The following TTL variants were observed in gnomAD, a reference collection of about 807,000 sequenced individuals.
TTL encodes tubulin--tyrosine ligase.
In TTL, 10 loss-of-function variants were observed where a neutral mutation model predicts 41.1. The observed-to-expected ratio is 0.24, with a 90% CI of 0.15 to 0.41. TTL has a LOEUF of 0.41. Among genes scored for constraint, TTL ranks in the 10% least tolerant of loss-of-function variants. The pLI is 1.00. For missense variants in TTL, 367 were observed against 460.4 expected, an observed-to-expected ratio of 0.80 and a Z score of 1.86; for synonymous variants, 175 against 175.5, an observed-to-expected ratio of 1.00 and a Z score of 0.02.
chr2:112,516,107 C>A (rs944989025), intron 5 of TTL, among the ~76,000 whole-genome samples: 1 of 152,122 alleles, frequency 6.6e-6, no homozygotes, highest in East Asian at 1.9e-4. Context: ...GTTTTATGTT[C>A]AGCTTTTCCC....
In TTL at chr2:112,482,560, G is replaced by T; in HGVS notation, c.157+59G>T. ...CGGAGCGGCCCTGCGCGCCTCCCGC[G>T]GCCCGTTAGAACCGGCGCTTTTGTT... On this transcript the variant is annotated intron_variant, in intron 1 of 6. Transcript: ENST00000233336. This position sits in a 1 kb window ranked among gnomAD's most constrained non-coding sequence, Gnocchi z 5.3. The T allele has an allele frequency of 6.6e-7, 1 of 1,510,748 alleles. No homozygotes were observed. Among genetic ancestry groups the T allele is most frequent in the Non-Finnish European group, 8.9e-7 (1 of 1,125,664 alleles). The allele number at this position is 1,510,748 out of a possible 1,614,324, so 93.6% of individuals were successfully genotyped here. A position where few individuals can be genotyped will look rare whatever the true frequency, so the allele number is the denominator to read the frequency against.
intron 3 of TTL, among the ~76,000 whole-genome samples, chr2:112,498,418 G>A (rs910608712): frequency 3.9e-5 from 6 of 152,140 alleles, no homozygotes; most frequent in South Asian, 2.1e-4. Flanking sequence ...TAGGCTCTGT[G>A]TGCTAAAAAT....
chr2:112,490,517 A>G (rs1458020241), intron 2 of TTL, among the ~76,000 whole-genome samples: 1 of 152,158 alleles, frequency 6.6e-6, no homozygotes, highest in Admixed American at 6.5e-5. Context: ...TGTATCATAC[A>G]ATAAAATGAA....
In TTL at chr2:112,529,528, G is replaced by A. The variant is rs1682454584; in HGVS notation, c.*733G>A. 4.4e-6 allele frequency: 1 copy of A among 229,202 alleles called. No homozygotes were observed. The highest frequency in any genetic ancestry group is 2.2e-5 in the African/African-American group (1 of 45,098). The allele number at this position is 229,202 out of a possible 1,614,324, so 14.2% of individuals were successfully genotyped here. Reference sequence around the variant, plus strand: ...TTGCTTTACTTAATAGGTTGAATATGGTAGGTCTTTGAAAATATGATGATT... The same window carrying A: ...TTGCTTTACTTAATAGGTTGAATATAGTAGGTCTTTGAAAATATGATGATT... On this transcript the variant is annotated 3_prime_UTR_variant, in exon 7 of 7. Transcript: ENST00000233336.
Position 112,536,721 on chromosome 2 carries a change from C to T in TTL, c.*7926C>T, listed in dbSNP as rs10153801. 0.4 allele frequency: 60,833 copies of T among 151,922 alleles called. 12,438 individuals carry two copies. Among genetic ancestry groups the T allele is most frequent in the East Asian group, 0.61 (3,153 of 5,158 alleles). 9.4% of individuals were successfully genotyped at this position (151,922 alleles called of 1,614,324 possible). On this transcript the variant is annotated 3_prime_UTR_variant, in exon 7 of 7. Coordinates refer to ENST00000233336, the MANE Select transcript of TTL (RefSeq NM_153712.5). The stretch of plus-strand genomic sequence containing the variant: ...TGTCATCTTTAGTGTCTCTTGTTGC[C>T]ATTTTTGTGTCCATGTGTATCTAAT...
chr2:112,487,755 T>C (rs1047258193), intron 2 of TTL, among the ~76,000 whole-genome samples: 2 of 152,222 alleles, frequency 1.3e-5, no homozygotes, highest in African/African-American at 4.8e-5. Context: ...CTATGCAGGC[T>C]GGAGGTTGCA....
At chr2:112,513,452 A>G (rs549942852) in intron 5 of TTL, among the ~76,000 whole-genome samples, 2 of 151,970 alleles carry the variant, frequency 1.3e-5, no homozygotes, top group South Asian at 4.2e-4. Flanking sequence ...TCTCTCTCTT[A>G]TGCATTTTTT....
chr2:112,524,764 T>A (rs1481216887), intron 6 of TTL, among the ~76,000 whole-genome samples: 1 of 152,252 alleles, frequency 6.6e-6, no homozygotes, highest in East Asian at 1.9e-4. Context: ...GATGGTAGTT[T>A]CTTTTGCTGT....
chr2:112,514,348 C>T (rs1682010711), intron 5 of TTL, among the ~76,000 whole-genome samples: 1 of 151,192 alleles, frequency 6.6e-6, no homozygotes, highest in Non-Finnish European at 1.5e-5. Context: ...TGCTGCTGCA[C>T]TCCAGCCTGG....
chr2:112,532,669 G>A lies in TTL; in HGVS notation c.*3874G>A, dbSNP rs1682534566. ...AAATCCATGATGCCGTTACTCAGGGGTAGACAGACTTTCTGTAAAAGGCCA... is the reference window on the plus strand; with the variant it reads ...AAATCCATGATGCCGTTACTCAGGGATAGACAGACTTTCTGTAAAAGGCCA... On this transcript the variant is annotated 3_prime_UTR_variant, in exon 7 of 7. Transcript: ENST00000233336. 5.6e-6 allele frequency: 1 copy of A among 179,600 alleles called. No individual in the cohort carries two copies. The highest frequency in any genetic ancestry group is 2.4e-5 in the African/African-American group (1 of 42,346). 11.1% of individuals were successfully genotyped at this position (179,600 alleles called of 1,614,324 possible). A position where few individuals can be genotyped will look rare whatever the true frequency, so the allele number is the denominator to read the frequency against.
rs4849070 is a variant in TTL at position 112,529,752 on chromosome 2, C to G, written c.*957C>G. On this transcript the variant is annotated 3_prime_UTR_variant, in exon 7 of 7. Transcript: ENST00000233336. ...CCCCTTTTTGTTCTTTTTATGCCCCCAAGCACTTTCTGCAGTAGCTAGAGG... is the reference window on the plus strand; with the variant it reads ...CCCCTTTTTGTTCTTTTTATGCCCCGAAGCACTTTCTGCAGTAGCTAGAGG... 0.92 allele frequency: 203,840 copies of G among 221,044 alleles called. 95,768 individuals carry two copies. Among genetic ancestry groups the G allele is most frequent in the East Asian group, 1 (15,104 of 15,106 alleles). 13.7% of individuals were successfully genotyped at this position (221,044 alleles called of 1,614,324 possible). A position where few individuals can be genotyped will look rare whatever the true frequency, so the allele number is the denominator to read the frequency against.
chr2:112,482,350 C>G lies in TTL; in HGVS notation c.6C>G (p.Tyr2Ter). The G allele has an allele frequency of 6.4e-7, 1 of 1,550,728 alleles. No homozygotes were observed. The highest frequency in any genetic ancestry group is 8.7e-7 in the Non-Finnish European group (1 of 1,148,210). Residue 2 changes from tyrosine (Y) to a stop codon, truncating the protein, a stop_gained, in exon 1 of 7, where the codon TAC (tyrosine) becomes TAG (stop). Coordinates refer to ENST00000233336, the MANE Select transcript of TTL (RefSeq NM_153712.5). LOFTEE classifies it high-confidence loss of function. The surrounding 1 kb of genome is among the most constrained non-coding windows in gnomAD (Gnocchi z 5.3). M[Y>*]TFVVRDENSS... Reference sequence around the variant, plus strand: ...CGGGCGCGCGGCGCTTCGCCATGTACACCTTCGTGGTACGCGATGAGAACA... The same window carrying G: ...CGGGCGCGCGGCGCTTCGCCATGTAGACCTTCGTGGTACGCGATGAGAACA...
At position 112,533,826 on chromosome 2, in the gene TTL, A is replaced by T. The variant is rs995036170; in HGVS notation, c.*5031A>T. 3 of 152,220 alleles carry T rather than the reference A, an allele frequency of 2.0e-5. No homozygotes were observed. Among genetic ancestry groups the T allele is most frequent in the Non-Finnish European group, 4.4e-5 (3 of 68,038 alleles). 9.4% of individuals were successfully genotyped at this position (152,220 alleles called of 1,614,324 possible). On this transcript the variant is annotated 3_prime_UTR_variant, in exon 7 of 7. Transcript: ENST00000233336. ...TTACTTTGGGGAACACATTCAAACC[A>T]TAGCAGTCCCTGAAGGCAAAGGAAA... is the stretch of plus-strand genomic sequence containing the variant.
chr2:112,492,819 A>G (rs571305455), intron 2 of TTL, among the ~76,000 whole-genome samples: 15 of 152,232 alleles, frequency 9.9e-5, no homozygotes, highest in Non-Finnish European at 1.8e-4. Flanking sequence ...TCAACCCGGG[A>G]GGTAGAGGTT....
rs1213782588 is a variant in TTL, at chr2:112,482,784, G to A, written c.157+283G>A. Among the ~76,000 whole-genome samples the A allele has an allele frequency of 1.3e-5, 2 of 151,714 alleles. No individual in the cohort carries two copies. Among genetic ancestry groups the A allele is most frequent in the South Asian group, 2.1e-4 (1 of 4,702 alleles). On this transcript the variant is annotated intron_variant, in intron 1 of 6. Coordinates refer to ENST00000233336, the MANE Select transcript of TTL (RefSeq NM_153712.5). This position sits in a 1 kb window ranked among gnomAD's most constrained non-coding sequence, Gnocchi z 5.3. ...TGCAGCCCGGGAGACGCTGGCCGCCGGGGCTGGGACCTGAGGCGCGAGTCT... is the reference window on the plus strand; with the variant it reads ...TGCAGCCCGGGAGACGCTGGCCGCCAGGGCTGGGACCTGAGGCGCGAGTCT...
At chr2:112,488,482 G>T (rs998867404) in intron 2 of TTL, among the ~76,000 whole-genome samples, 1 of 152,198 alleles carries the variant, frequency 6.6e-6, no homozygotes, top group Non-Finnish European at 1.5e-5. Context: ...TGCAAGCCGG[G>T]CGTGGTGGCT....
rs1407861993 is a variant in TTL, at chr2:112,537,368, A to AC, written c.*8575dup. 6 of 152,456 alleles carry AC rather than the reference A, an allele frequency of 3.9e-5. No homozygotes were observed. Among genetic ancestry groups the AC allele is most frequent in the Non-Finnish European group, 8.8e-5 (6 of 68,216 alleles). The allele number at this position is 152,456 out of a possible 1,614,324, so 9.4% of individuals were successfully genotyped here. On this transcript the variant is annotated 3_prime_UTR_variant, in exon 7 of 7. Coordinates refer to ENST00000233336, the MANE Select transcript of TTL (RefSeq NM_153712.5). ...AGTGCTGGGATTACAGGCATGAGCC[A>AC]CCATGCCCAGCTGCTCTGTTTTAAA...
At chr2:112,521,928 A>G (rs976553690) in intron 6 of TTL, among the ~76,000 whole-genome samples, 4 of 152,178 alleles carry the variant, frequency 2.6e-5, no homozygotes, top group Non-Finnish European at 2.9e-5. Flanking sequence ...AGGGCGGAAT[A>G]AGGCAGGGAT....
chr2:112,514,189 G>A (rs552379347), intron 5 of TTL, among the ~76,000 whole-genome samples: 1 of 152,210 alleles, frequency 6.6e-6, no homozygotes, highest in South Asian at 2.1e-4. Context: ...TTCAAGACCA[G>A]CCTGATACAT....
Sources: allele counts gnomAD v4.1 joint callset (sites outside exome capture counted in the v4.1 genomes callset), GRCh38; gene constraint gnomAD v4.1.1; non-coding constraint Gnocchi (gnomAD v3.1); transcripts MANE v1.5; gene names NCBI Gene and HGNC (gene_info 2026-07-23, HGNC 2026-07-21).